MMP26: variants seen among roughly 807,000 people sequenced by gnomAD.
MMP26 encodes the protein matrix metalloproteinase-26.
In MMP26, 33 loss-of-function variants were observed where a neutral mutation model predicts 31.0. That is an observed-to-expected ratio of 1.06 (90% CI 0.81 to 1.42). The LOEUF is 1.42. Among genes scored for constraint, MMP26 ranks in the 40% most tolerant of loss-of-function variants. The pLI, the probability that MMP26 is intolerant of heterozygous loss-of-function variation, is 0.00. For synonymous variants in MMP26, 122 were observed against 114.9 expected, an observed-to-expected ratio of 1.06 and a Z score of -0.40; for missense variants, 347 against 316.1, an observed-to-expected ratio of 1.10 and a Z score of -0.74.
intron 2 of MMP26, among the ~76,000 whole-genome samples, chr11:4,805,252 G>A (rs564671486): frequency 3.3e-5 from 5 of 152,296 alleles, no homozygotes; most frequent in Admixed American, 6.5e-5. Context: ...GCTTGGGTGG[G>A]AAGTTAATCT....
chr11:4,907,559 G>C (rs1365322038), intron 2 of MMP26: 5 of 1,613,802 alleles, frequency 3.1e-6, no homozygotes, highest in Admixed American at 3.3e-5. Flanking sequence ...TTATTTCCTT[G>C]CCATGTTGGC....
At chr11:4,800,648 C>T (rs1335436779) in intron 2 of MMP26, among the ~76,000 whole-genome samples, 1 of 152,200 alleles carries the variant, frequency 6.6e-6, no homozygotes, top group African/African-American at 2.4e-5. Flanking sequence ...ACTTGACTTC[C>T]TCCCTGGAAA....
intron 1 of MMP26, among the ~76,000 whole-genome samples, chr11:4,763,554 T>C (rs1393034430): frequency 6.6e-6 from 1 of 152,212 alleles, no homozygotes; most frequent in Non-Finnish European, 1.5e-5. Flanking sequence ...GAAGGGCATG[T>C]GGATAATTTT....
intron 2 of MMP26, chr11:4,909,083 A>T (rs35408660): frequency 6.6e-6 from 1 of 152,184 alleles, no homozygotes; most frequent in African/African-American, 2.4e-5. Flanking sequence ...AGATAATTTT[A>T]AACCCCCTAT....
chr11:4,882,260 G>A, intron 2 of MMP26: 1 of 1,613,858 alleles, frequency 6.2e-7, no homozygotes, highest in Non-Finnish European at 8.5e-7. Context: ...GGTAGCCATG[G>A]CCTTTGACCG....
At chr11:4,864,523 A>T (rs1850208581) in intron 2 of MMP26, among the ~76,000 whole-genome samples, 1 of 152,170 alleles carries the variant, frequency 6.6e-6, no homozygotes, top group Non-Finnish European at 1.5e-5. Context: ...GCCGAAGGTT[A>T]TTCATTTATT....
At chr11:4,775,747 T>TGAGAGA (rs35696328) in intron 2 of MMP26, among the ~76,000 whole-genome samples, 1 of 139,710 alleles carries the variant, frequency 7.2e-6, no homozygotes, top group African/African-American at 2.7e-5. Flanking sequence ...AGGAAGTGAG[T>TGAGAGA]GAGAGAGAGA....
intron 2 of MMP26, among the ~76,000 whole-genome samples, chr11:4,841,258 G>C (rs986738547): frequency 6.6e-6 from 1 of 152,126 alleles, no homozygotes; most frequent in Non-Finnish European, 1.5e-5. Flanking sequence ...TTTATTTAAA[G>C]AGATAATAAC....
At chr11:4,905,670 A>G (rs1173065950) in intron 2 of MMP26, among the ~76,000 whole-genome samples, 1 of 152,108 alleles carries the variant, frequency 6.6e-6, no homozygotes, top group Admixed American at 6.5e-5. Context: ...TATTAATTTC[A>G]TAATTTTAAT....
intron 2 of MMP26, among the ~76,000 whole-genome samples, chr11:4,865,688 G>T (rs1850224924): frequency 6.6e-6 from 1 of 151,934 alleles, no homozygotes; most frequent in African/African-American, 2.4e-5. Flanking sequence ...TATCAGGCTG[G>T]TATTTGTTGA....
chr11:4,868,423 A>G (rs892686563), intron 2 of MMP26, among the ~76,000 whole-genome samples: 1 of 152,162 alleles, frequency 6.6e-6, no homozygotes, highest in African/African-American at 2.4e-5. Context: ...ATACACCAAT[A>G]ACAGACAAAC....
At chr11:4,854,268 G>A (rs537542379) in intron 2 of MMP26, among the ~76,000 whole-genome samples, 14 of 152,310 alleles carry the variant, frequency 9.2e-5, no homozygotes, top group East Asian at 3.9e-4. Flanking sequence ...GCGGGGCATC[G>A]CCTCACCTGG....
intron 2 of MMP26, among the ~76,000 whole-genome samples, chr11:4,810,338 A>G (rs1437387611): frequency 1.3e-5 from 2 of 152,090 alleles, no homozygotes; most frequent in Non-Finnish European, 2.9e-5. Context: ...TATCTGAGAG[A>G]TATGTTAATA....
chr11:4,862,869 G>A lies in MMP26; in HGVS notation c.-145+95528G>A, dbSNP rs368093470. ...ACAAAATTTGGGCCCCTCCCTCCCA[G>A]AAATGACAATGGTCAGATCTAAACA... is the stretch of plus-strand genomic sequence containing the variant. On this transcript the variant is annotated intron_variant, in intron 2 of 7. Transcript: ENST00000380390. Among the ~76,000 whole-genome samples, 10 of 152,266 alleles carry A rather than the reference G, an allele frequency of 6.6e-5. No individual in the cohort carries two copies. In the East Asian group the frequency reaches 1.9e-3, roughly 29 times the overall value.
chr11:4,755,349 T>C (rs894631899), intron 1 of MMP26, among the ~76,000 whole-genome samples: 3 of 151,972 alleles, frequency 2.0e-5, no homozygotes, highest in African/African-American at 7.2e-5. Flanking sequence ...TGGATGTGGA[T>C]AGATATAAAG....
intron 2 of MMP26, among the ~76,000 whole-genome samples, chr11:4,829,400 A>T (rs373151209): frequency 1.7e-4 from 26 of 152,266 alleles, no homozygotes; most frequent in African/African-American, 6.0e-4. Context: ...TGGTTCATTT[A>T]TGTGATATAC....
At chr11:4,730,470 C>A (rs61883467) in intron 1 of MMP26, among the ~76,000 whole-genome samples, 25,037 of 150,094 alleles carry the variant, frequency 0.17, 2,328 homozygotes, top group South Asian at 0.21. Flanking sequence ...ACTGCATACT[C>A]AACCAAACAG....
chr11:4,796,060 C>A (rs938473914), intron 2 of MMP26, among the ~76,000 whole-genome samples: 1 of 152,106 alleles, frequency 6.6e-6, no homozygotes, highest in Non-Finnish European at 1.5e-5. Context: ...TGAGTTTGCC[C>A]AGAATTCCTT....
intron 2 of MMP26, chr11:4,882,159 T>C (rs750073781): frequency 2.2e-5 from 35 of 1,613,878 alleles, no homozygotes; most frequent in Non-Finnish European, 2.8e-5. Context: ...CTTGGTGTTC[T>C]CTGGTTTCAT....
Sources: gnomAD v4.1 joint callset for allele counts (sites outside exome capture counted in the v4.1 genomes callset) on GRCh38, gnomAD v4.1.1 for gene constraint, MANE v1.5 for transcripts, NCBI Gene and HGNC (gene_info 2026-07-23, HGNC 2026-07-21) for gene names.